MARCHF4: variants seen among roughly 807,000 people sequenced by gnomAD.
MARCHF4 encodes the protein membrane associated ring-CH-type finger 4, also known as E3 ubiquitin-protein ligase MARCHF4.
In MARCHF4, 14 loss-of-function variants were observed where a neutral mutation model predicts 43.9. The observed-to-expected ratio is 0.32, with a 90% CI of 0.21 to 0.50. The LOEUF is 0.50. MARCHF4 is among the 20% of genes least tolerant of loss of function. The pLI, the probability that MARCHF4 is intolerant of heterozygous loss-of-function variation, is 0.98. For missense variants in MARCHF4, 468 were observed against 536.7 expected (o/e 0.87, Z 1.27); for synonymous variants, 226 against 213.3 (o/e 1.06, Z -0.52).
chr2:216,345,281 AG>A (rs1692301821), intron 1 of MARCHF4, among the ~76,000 whole-genome samples: 1 of 151,964 alleles, frequency 6.6e-6, no homozygotes, highest in Non-Finnish European at 1.5e-5. Flanking sequence ...ACATCGAGCA[AG>A]GGTTCAGGGG....
intron 3 of MARCHF4, among the ~76,000 whole-genome samples, chr2:216,276,611 G>A (rs142550115): frequency 1.1e-3 from 162 of 152,238 alleles, no homozygotes; most frequent in Non-Finnish European, 2.0e-3. Flanking sequence ...TCACACAAAC[G>A]TCATCCCAGC....
At chr2:216,363,839 T>C (rs80308886) in intron 1 of MARCHF4, among the ~76,000 whole-genome samples, 2,847 of 152,246 alleles carry the variant, frequency 0.019, 114 homozygotes, top group East Asian at 0.14. Context: ...GCTGAAGATA[T>C]ATTTGTATAT....
At chr2:216,367,110 G>T (rs1692678772) in intron 1 of MARCHF4, among the ~76,000 whole-genome samples, 1 of 152,156 alleles carries the variant, frequency 6.6e-6, no homozygotes, top group Admixed American at 6.5e-5. Context: ...AGTAGTAAAT[G>T]ATTGGGGTGA....
At chr2:216,269,533 G>T (rs1474679004) in intron 3 of MARCHF4, among the ~76,000 whole-genome samples, 1 of 152,198 alleles carries the variant, frequency 6.6e-6, no homozygotes, top group Non-Finnish European at 1.5e-5. Context: ...CACAGGTTCA[G>T]GCGATCTCTA....
At chr2:216,357,386 A>C (rs1009295884) in intron 1 of MARCHF4, among the ~76,000 whole-genome samples, 1 of 152,146 alleles carries the variant, frequency 6.6e-6, no homozygotes, top group Non-Finnish European at 1.5e-5. Context: ...GCAGTAGTAC[A>C]TCATGGCTCC....
chr2:216,354,196 TG>T (rs1692446122), intron 1 of MARCHF4, among the ~76,000 whole-genome samples: 1 of 152,204 alleles, frequency 6.6e-6, no homozygotes, highest in Non-Finnish European at 1.5e-5. Context: ...CCCCGCATTC[TG>T]GGTCTTAAAG....
chr2:216,327,010 C>G (rs1042938233), intron 1 of MARCHF4, among the ~76,000 whole-genome samples: 1 of 151,876 alleles, frequency 6.6e-6, no homozygotes, highest in Non-Finnish European at 1.5e-5. Flanking sequence ...TAGTATCTAC[C>G]GTATAAGTTA....
At chr2:216,295,326 T>C (rs1028990492) in intron 1 of MARCHF4, among the ~76,000 whole-genome samples, 2 of 152,190 alleles carry the variant, frequency 1.3e-5, no homozygotes, top group Non-Finnish European at 2.9e-5. Context: ...AGTGGCGTGA[T>C]CTCAACTTAC....
intron 2 of MARCHF4, among the ~76,000 whole-genome samples, chr2:216,281,203 G>T (rs1353782926): frequency 6.6e-6 from 1 of 151,666 alleles, no homozygotes; most frequent in East Asian, 1.9e-4. Flanking sequence ...CGAGTAGCTG[G>T]GACTACAGTC....
Position 216,370,130 on chromosome 2 carries a change from A to T in MARCHF4, c.131T>A (p.Met44Lys), listed in dbSNP as rs756217547. 2 of 1,606,554 alleles carry T rather than the reference A, an allele frequency of 1.2e-6. No individual in the cohort carries two copies. The highest frequency in any genetic ancestry group is 1.7e-6 in the Non-Finnish European group (2 of 1,176,934). Residue 44 changes from methionine (M) to lysine (K), a missense_variant, in exon 1 of 4, where the codon ATG becomes AAG. Met to Lys is a moderately conservative substitution (Grantham distance 95, BLOSUM62 -1). Coordinates refer to ENST00000273067, the MANE Select transcript of MARCHF4 (RefSeq NM_020814.3). ...HQGLLKCRCR[M>K]LFNDLKVFLL... The stretch of plus-strand genomic sequence containing the variant: ...GAAAACCTTCAGGTCATTGAAGAGC[A>T]TGCGGCAGCGGCACTTGAGGAGACC...
chr2:216,273,257 A>G (rs207820), intron 3 of MARCHF4, among the ~76,000 whole-genome samples: 129,707 of 152,300 alleles, frequency 0.85, 55,786 homozygotes, highest in Non-Finnish European at 0.89. Flanking sequence ...ATGTTTACTC[A>G]TATTCTTTAC....
At chr2:216,282,297 CACAT>C (rs1272030004) in intron 2 of MARCHF4, among the ~76,000 whole-genome samples, 1 of 152,086 alleles carries the variant, frequency 6.6e-6, no homozygotes, top group African/African-American at 2.4e-5. Flanking sequence ...AACACACACA[CACAT>C]ACACACACAC....
intron 1 of MARCHF4, among the ~76,000 whole-genome samples, chr2:216,326,288 G>A (rs1019881127): frequency 2.6e-5 from 4 of 151,196 alleles, no homozygotes; most frequent in Non-Finnish European, 4.4e-5. Flanking sequence ...TTAGAATGGC[G>A]ATCATTAAAA....
At chr2:216,368,250 G>T (rs1692697559) in intron 1 of MARCHF4, among the ~76,000 whole-genome samples, 1 of 152,126 alleles carries the variant, frequency 6.6e-6, no homozygotes, top group Admixed American at 6.5e-5. Flanking sequence ...TCAAAGTGAG[G>T]CACCCTCTTG....
At chr2:216,263,521 G>GAGAGAGAA (rs1690785485) in intron 3 of MARCHF4, among the ~76,000 whole-genome samples, 4 of 127,300 alleles carry the variant, frequency 3.1e-5, no homozygotes, top group African/African-American at 1.2e-4. Context: ...GAGAGAGAGA[G>GAGAGAGAA]AGAGAGAGAG....
intron 1 of MARCHF4, among the ~76,000 whole-genome samples, chr2:216,333,248 G>A (rs1692108170): frequency 6.6e-6 from 1 of 152,212 alleles, no homozygotes. Context: ...ACGCATATAT[G>A]CCAAAGAACT....
intron 1 of MARCHF4, among the ~76,000 whole-genome samples, chr2:216,367,443 T>C (rs1455475671): frequency 1.5e-5 from 2 of 132,430 alleles, no homozygotes; most frequent in African/African-American, 5.6e-5. Context: ...TTCATAGAAA[T>C]GCTGTGAAAA....
At chr2:216,336,927 A>G (rs1409003356) in intron 1 of MARCHF4, among the ~76,000 whole-genome samples, 1 of 151,866 alleles carries the variant, frequency 6.6e-6, no homozygotes, top group Admixed American at 6.6e-5. Context: ...TGAGGCAGGC[A>G]GATCACCTGA....
At chr2:216,340,302 G>A (rs538454424) in intron 1 of MARCHF4, among the ~76,000 whole-genome samples, 2 of 152,278 alleles carry the variant, frequency 1.3e-5, no homozygotes, top group African/African-American at 2.4e-5. Context: ...CCATCTGAGT[G>A]TTGTTTGTTG....
Sources: gnomAD v4.1 joint callset for allele counts (sites outside exome capture counted in the v4.1 genomes callset) on GRCh38, gnomAD v4.1.1 for gene constraint, MANE v1.5 for transcripts, NCBI Gene and HGNC (gene_info 2026-07-23, HGNC 2026-07-21) for gene names.